The following SUN1 variants were observed in gnomAD, a reference collection of about 807,000 sequenced individuals.
The protein encoded by SUN1 is Sad1 and UNC84 domain containing 1.
A neutral mutation model predicts 103.2 loss-of-function variants in SUN1; 61 were observed. That is an observed-to-expected ratio of 0.59 (90% CI 0.48 to 0.73). The LOEUF (loss-of-function observed/expected upper bound fraction) is 0.73. Among genes scored for constraint, SUN1 ranks in the 30% least tolerant of loss-of-function variants. SUN1 has a pLI of 0.00. For missense variants in SUN1, 1,052 were observed against 1,034.6 expected (o/e 1.02, Z -0.23); for synonymous variants, 490 against 425.7 (o/e 1.15, Z -1.86).
rs757486655 is a variant in SUN1 at position 851,431 on chromosome 7, G to A, written c.706G>A (p.Ala236Thr). The change falls in exon 6 of 19, where the codon GCT becomes ACT. Residue 236 changes from alanine (A) to threonine (T), a missense_variant. Coordinates refer to ENST00000401592, the MANE Select transcript of SUN1 (RefSeq NM_001130965.3). ...ILRRIGAVGQ[A>T]VSRTAWSALW... ...GCGCAGGATCGGAGCTGTGGGCCAG[G>A]CTGTGTCCAGGACGGCGTGGTCGGC... 10 of 1,610,594 alleles carry A rather than the reference G, an allele frequency of 6.2e-6. No individual in the cohort carries two copies. The highest frequency in any genetic ancestry group is 6.8e-6 in the Non-Finnish European group (8 of 1,178,520).
upstream of SUN1, among the ~76,000 whole-genome samples, chr7:829,029 A>T (rs577826116): frequency 6.6e-6 from 1 of 152,388 alleles, no homozygotes; most frequent in South Asian, 2.1e-4. Context: ...GCCAGGCATG[A>T]CACTCAGGGC....
In SUN1 at chr7:859,293, G is replaced by T. The variant is rs1830326283; in HGVS notation, c.1525-835G>T. Among the ~76,000 whole-genome samples the T allele has an allele frequency of 2.0e-5, 3 of 152,202 alleles. No homozygotes were observed. The South Asian group carries it at 6.2e-4, about 32-fold the overall frequency. The stretch of plus-strand genomic sequence containing the variant: ...GAGGACGATGGCTGCTATCAGCGCT[G>T]GCTGAGGCAGTGGGCTTTTCCCTGG... On this transcript the variant is annotated intron_variant, in intron 13 of 18. Transcript: ENST00000401592.
chr7:819,708 C>CCT (rs1554259721), intron 1 of SUN1, among the ~76,000 whole-genome samples: 2 of 127,042 alleles, frequency 1.6e-5, no homozygotes, highest in Non-Finnish European at 3.3e-5. Context: ...CCAATGCCAC[C>CCT]CTTTTTTTTT....
At chr7:820,732 G>A (rs1448395510) in intron 1 of SUN1, among the ~76,000 whole-genome samples, 1 of 152,172 alleles carries the variant, frequency 6.6e-6, no homozygotes, top group African/African-American at 2.4e-5. Context: ...TTCCTGGCTT[G>A]TTGAGTGTTT....
At chr7:871,301 A>G (rs1841491980) in intron 17 of SUN1, among the ~76,000 whole-genome samples, 1 of 152,144 alleles carries the variant, frequency 6.6e-6, no homozygotes, top group Non-Finnish European at 1.5e-5. Flanking sequence ...TTTAGTATGT[A>G]AATAATAATC....
intron 5 of SUN1, chr7:849,417 C>G (rs1819713717): frequency 1.1e-6 from 1 of 878,252 alleles, no homozygotes; most frequent in Non-Finnish European, 1.6e-6. Flanking sequence ...GTGGAAGTGG[C>G]TAGCCTTGCA....
chr7:839,053 T>C, intron 2 of SUN1, 67 bp downstream of exon 2: 1 of 1,440,902 alleles, frequency 6.9e-7, no homozygotes, highest in Non-Finnish European at 9.1e-7. Context: ...TTCCATACTT[T>C]TTGGTCTGTA....
upstream of SUN1, among the ~76,000 whole-genome samples, chr7:828,798 C>A (rs915927370): frequency 1.3e-5 from 2 of 152,204 alleles, no homozygotes; most frequent in Admixed American, 6.5e-5. Context: ...CCCGTCCATC[C>A]TCCAGAAGCC....
chr7:873,369 C>T lies in SUN1; in HGVS notation c.*38C>T, dbSNP rs775567067. ...TTATTTTTGTACATTTTTGTATATA[C>T]TGGGACAGCGTGAAACACTGGAATC... On this transcript the variant is annotated 3_prime_UTR_variant, in exon 19 of 19. Coordinates refer to ENST00000401592, the MANE Select transcript of SUN1 (RefSeq NM_001130965.3). 2 of 1,558,788 alleles carry T rather than the reference C, an allele frequency of 1.3e-6. No homozygotes were observed. Among genetic ancestry groups the T allele is most frequent in the Non-Finnish European group, 1.8e-6 (2 of 1,130,086 alleles).
upstream of SUN1, chr7:815,749 C>CATGCAGGAGA: frequency 5.7e-6 from 1 of 175,924 alleles, no homozygotes; most frequent in Non-Finnish European, 1.2e-5. Flanking sequence ...TCAGCAGGGG[C>CATGCAGGAGA]CCTGCAGGAG....
intron 1 of SUN1, chr7:817,147 G>C (rs1312211073): frequency 1.1e-5 from 5 of 439,148 alleles, no homozygotes; most frequent in African/African-American, 2.1e-5. Context: ...TATTTAAGAG[G>C]GGGGGTCTCG....
chr7:858,884 G>A (rs970299939), intron 13 of SUN1, among the ~76,000 whole-genome samples: 2 of 152,196 alleles, frequency 1.3e-5, no homozygotes, highest in Non-Finnish European at 1.5e-5. Flanking sequence ...GCCGGGCGCC[G>A]CGGCTCACGC....
chr7:869,423 G>C lies in SUN1; in HGVS notation c.2055G>C (p.Met685Ile). ...QGYLVVRLSM[M>I]IHPAAFTLEH... is the part of the protein sequence containing the mutation. ...ACCTGGTGGTGAGGCTCTCCATGAT[G>C]ATCCACCCAGCCGCCTTCACTCTGG... The change falls in exon 17 of 19, where the codon ATG becomes ATC. Residue 685 changes from methionine to isoleucine, a missense_variant. This residue lies in a region of SUN1 where 206 missense variants were observed against 260.1 expected (regional missense o/e 0.79). Transcript: ENST00000401592. 1 of 1,613,878 alleles carries C rather than the reference G, an allele frequency of 6.2e-7. No individual in the cohort carries two copies. The highest frequency in any genetic ancestry group is 8.5e-7 in the Non-Finnish European group (1 of 1,179,872).
At chr7:862,588 A>G (rs1220376430) in intron 15 of SUN1, among the ~76,000 whole-genome samples, 6 of 152,222 alleles carry the variant, frequency 3.9e-5, no homozygotes, top group Non-Finnish European at 8.8e-5. Context: ...GTGATTTAGG[A>G]AGAAATTATT....
intron 15 of SUN1, among the ~76,000 whole-genome samples, chr7:863,124 A>C (rs1436928704): frequency 6.6e-6 from 1 of 152,186 alleles, no homozygotes; most frequent in Non-Finnish European, 1.5e-5. Context: ...CCTGGGTGAC[A>C]GAGCGAGACT....
chr7:865,886 G>C, intron 15 of SUN1, 66 bp from the exon 16 acceptor site: 2 of 1,272,756 alleles, frequency 1.6e-6, no homozygotes, highest in South Asian at 1.2e-5. Flanking sequence ...TCCTGAAGTG[G>C]TGCAGTACTA....
At chr7:817,423 C>T in intron 1 of SUN1, 2 of 1,535,728 alleles carry the variant, frequency 1.3e-6, no homozygotes, top group Non-Finnish European at 1.7e-6. Context: ...GCAAAATAAG[C>T]AGCGGCGGGG....
upstream of SUN1, among the ~76,000 whole-genome samples, chr7:830,272 A>G (rs890472440): frequency 6.6e-6 from 1 of 152,124 alleles, no homozygotes; most frequent in African/African-American, 2.4e-5. Context: ...GCTGCCTCGC[A>G]AGGTTCTGCT....
chr7:836,701 T>G (rs930095876), intron 1 of SUN1, among the ~76,000 whole-genome samples: 1 of 152,204 alleles, frequency 6.6e-6, no homozygotes, highest in African/African-American at 2.4e-5. Context: ...GTGTTTTAAT[T>G]TAAATGTTAC....
Sources: gnomAD v4.1 joint callset for allele counts (sites outside exome capture counted in the v4.1 genomes callset) on GRCh38, gnomAD v4.1.1 for gene constraint, gnomAD v4.1.1 regional missense constraint, MANE v1.5 for transcripts, NCBI Gene and HGNC (gene_info 2026-07-23, HGNC 2026-07-21) for gene names.